Variants in PAIP2B observed in about 807,000 individuals in gnomAD.
The protein encoded by PAIP2B is polyadenylate-binding protein-interacting protein 2B.
In PAIP2B, 13 loss-of-function variants were observed where a neutral mutation model predicts 17.0. The ratio of observed to expected loss-of-function variants is 0.76; its 90% CI spans 0.50 to 1.22. PAIP2B has a LOEUF of 1.22. Ranked by LOEUF, PAIP2B falls within the 50% of genes most tolerant of loss-of-function variation. The pLI is 0.00. For missense variants in PAIP2B, 117 were observed against 144.5 expected, an observed-to-expected ratio of 0.81 and a Z score of 0.98; for synonymous variants, 43 against 48.7, an observed-to-expected ratio of 0.88 and a Z score of 0.48.
chr2:71,196,680 A>G (rs1197739548), intron 2 of PAIP2B, among the ~76,000 whole-genome samples: 2 of 152,108 alleles, frequency 1.3e-5, no homozygotes, highest in Non-Finnish European at 2.9e-5. Context: ...AACTTGCTTT[A>G]TGAATCTGGG....
chr2:71,209,988 C>G (rs1475623739), intron 1 of PAIP2B, among the ~76,000 whole-genome samples: 3 of 152,008 alleles, frequency 2.0e-5, no homozygotes, highest in African/African-American at 4.8e-5. Context: ...CTATGCCCAG[C>G]TAATTTTTTG....
intron 2 of PAIP2B, among the ~76,000 whole-genome samples, 172 bp from the exon 3 acceptor site, chr2:71,190,193 G>A (rs1368800545): frequency 6.6e-6 from 1 of 152,160 alleles, no homozygotes. Context: ...ACTGAGGCAG[G>A]AGGATTGCTT....
intron 2 of PAIP2B, among the ~76,000 whole-genome samples, chr2:71,195,730 C>T (rs1401350890): frequency 2.0e-5 from 3 of 152,192 alleles, no homozygotes; most frequent in Non-Finnish European, 4.4e-5. Flanking sequence ...CATCTGCCTC[C>T]TGGGTTCATG....
chr2:71,217,744 A>G (rs998059242), intron 1 of PAIP2B, among the ~76,000 whole-genome samples: 3 of 152,184 alleles, frequency 2.0e-5, no homozygotes, highest in African/African-American at 7.2e-5. Context: ...TCAAATATGA[A>G]AAGATACCAA....
At chr2:71,192,555 T>TAC (rs1674714393) in intron 2 of PAIP2B, among the ~76,000 whole-genome samples, 1 of 152,134 alleles carries the variant, frequency 6.6e-6, no homozygotes, top group Non-Finnish European at 1.5e-5. Flanking sequence ...TTAAGCTCAG[T>TAC]ACCCAATAGT....
chr2:71,200,917 A>G (rs962994560), intron 2 of PAIP2B, among the ~76,000 whole-genome samples: 7 of 152,112 alleles, frequency 4.6e-5, no homozygotes, highest in Non-Finnish European at 8.8e-5. Context: ...TGCCATGCAT[A>G]TATCTGTCAT....
chr2:71,211,758 G>A (rs1164186005), intron 1 of PAIP2B, among the ~76,000 whole-genome samples: 1 of 152,034 alleles, frequency 6.6e-6, no homozygotes, highest in East Asian at 1.9e-4. Context: ...CAAACTTTTA[G>A]AAACAATGCC....
chr2:71,193,567 G>A (rs979403783), intron 2 of PAIP2B, among the ~76,000 whole-genome samples: 1 of 152,062 alleles, frequency 6.6e-6, no homozygotes, highest in Non-Finnish European at 1.5e-5. Flanking sequence ...TATAGTTTTG[G>A]GTTTTAGCCA....
At chr2:71,207,314 T>C (rs556402607) in intron 1 of PAIP2B, among the ~76,000 whole-genome samples, 2 of 152,084 alleles carry the variant, frequency 1.3e-5, no homozygotes, top group South Asian at 2.1e-4. Context: ...TGACGTACAA[T>C]GAATCAAAGG....
intron 1 of PAIP2B, among the ~76,000 whole-genome samples, chr2:71,203,842 T>C (rs1024242422): frequency 6.6e-6 from 1 of 152,110 alleles, no homozygotes; most frequent in Admixed American, 6.5e-5. Context: ...CTCATATATA[T>C]GTTTCTGTCT....
At chr2:71,216,224 A>G (rs1675426010) in intron 1 of PAIP2B, among the ~76,000 whole-genome samples, 1 of 152,238 alleles carries the variant, frequency 6.6e-6, no homozygotes, top group African/African-American at 2.4e-5. Context: ...TACCAGTTTT[A>G]AAAAATACAA....
chr2:71,192,921 T>C (rs1449469809), intron 2 of PAIP2B, among the ~76,000 whole-genome samples: 4 of 152,214 alleles, frequency 2.6e-5, no homozygotes, highest in Admixed American at 6.5e-5. Flanking sequence ...TGTGTCTTTA[T>C]GGTAGAATGC....
intron 1 of PAIP2B, among the ~76,000 whole-genome samples, chr2:71,219,082 ATTTTTTTTT>A (rs568552077): frequency 1.8e-5 from 2 of 114,000 alleles, no homozygotes; most frequent in African/African-American, 3.6e-5. Flanking sequence ...CGCCTAGCTA[ATTTTTTTTT>A]TTTTTTTTTT....
chr2:71,219,064 C>T (rs1572938654), intron 1 of PAIP2B, among the ~76,000 whole-genome samples: 1 of 149,720 alleles, frequency 6.7e-6, no homozygotes, highest in Non-Finnish European at 1.5e-5. Flanking sequence ...TACAGGTGCC[C>T]GCCACCACGC....
chr2:71,219,992 G>A (rs764133361), intron 1 of PAIP2B, among the ~76,000 whole-genome samples: 58 of 152,176 alleles, frequency 3.8e-4, no homozygotes, highest in Non-Finnish European at 8.1e-4. Flanking sequence ...TTCCACATGA[G>A]TACATAGGTC....
rs143393693 is a variant in PAIP2B at position 71,207,692 on chromosome 2, T to G, written c.-11-5092A>C. Among the ~76,000 whole-genome samples the G allele has an allele frequency of 5.1e-4, 77 of 152,008 alleles. 1 individual carries two copies. The highest frequency in any genetic ancestry group is 1.6e-3 in the African/African-American group (66 of 41,482). ...ATGATGGCAGTAAGAAGAAAGGAGG[T>G]AGACTCTAAAACTATTTTAGGAGGT... On this transcript the variant is annotated intron_variant, in intron 1 of 3. Coordinates refer to ENST00000244221, the MANE Select transcript of PAIP2B (RefSeq NM_020459.1).
In PAIP2B at chr2:71,185,469, A is replaced by G. The variant is rs889054194; in HGVS notation, c.*3010T>C. 6.6e-6 allele frequency: 1 copy of G among 151,784 alleles called. No individual in the cohort carries two copies. Among genetic ancestry groups the G allele is most frequent in the African/African-American group, 2.4e-5 (1 of 41,302 alleles). The allele number at this position is 151,784 out of a possible 1,614,324, so 9.4% of individuals were successfully genotyped here. On this transcript the variant is annotated 3_prime_UTR_variant, in exon 4 of 4. Transcript: ENST00000244221. The stretch of plus-strand genomic sequence containing the variant: ...TGTTGTCCCAGCTACTCGGGAGGCT[A>G]AGATGGGAGGATTGCTTGAGCCTAG...
At chr2:71,208,514 AGT>A (rs1407023640) in intron 1 of PAIP2B, among the ~76,000 whole-genome samples, 1 of 152,022 alleles carries the variant, frequency 6.6e-6, no homozygotes, top group Non-Finnish European at 1.5e-5. Flanking sequence ...CAATCAGAAG[AGT>A]GTGACATCAC....
chr2:71,214,122 T>C (rs1675370173), intron 1 of PAIP2B, among the ~76,000 whole-genome samples: 1 of 152,206 alleles, frequency 6.6e-6, no homozygotes, highest in Admixed American at 6.5e-5. Flanking sequence ...ATTACAGGTA[T>C]GAGCCATCAG....
Sources: allele counts gnomAD v4.1 joint callset (sites outside exome capture counted in the v4.1 genomes callset), GRCh38; gene constraint gnomAD v4.1.1; transcripts MANE v1.5; gene names NCBI Gene and HGNC (gene_info 2026-07-23, HGNC 2026-07-21).